The following KAZN variants were observed in gnomAD, a reference collection of about 807,000 sequenced individuals.
The protein encoded by KAZN is kazrin.
In KAZN, 40 loss-of-function variants were observed where a neutral mutation model predicts 87.4. That is an observed-to-expected ratio of 0.46 (90% CI 0.36 to 0.60). KAZN has a LOEUF of 0.60. KAZN is among the 20% of genes least tolerant of loss of function. The probability of loss-of-function intolerance (pLI) is 0.00; values close to 1 mark genes in which losing one functional copy is unlikely to be tolerated. For missense variants in KAZN, 898 were observed against 1,073.9 expected (o/e 0.84, Z 2.29); for synonymous variants, 466 against 458.3 (o/e 1.02, Z -0.22).
chr1:13,932,216 A>G (rs946983468), intron 1 of KAZN, among the ~76,000 whole-genome samples: 6 of 150,734 alleles, frequency 4.0e-5, no homozygotes, highest in Non-Finnish European at 8.8e-5. Context: ...GCTAGTTTAC[A>G]TTCACTTATA....
At chr1:14,195,303 C>T (rs938561484) in intron 2 of KAZN, among the ~76,000 whole-genome samples, 4 of 152,158 alleles carry the variant, frequency 2.6e-5, no homozygotes, top group Middle Eastern at 3.4e-3. Flanking sequence ...TGTCCCTCCA[C>T]CCTCCCTTCT....
intron 2 of KAZN, among the ~76,000 whole-genome samples, chr1:14,529,101 C>T (rs1045345815): frequency 1.6e-4 from 24 of 150,802 alleles, no homozygotes; most frequent in African/African-American, 4.6e-4. Context: ...GTCAGGAGTT[C>T]GAGACCAGCA....
intron 2 of KAZN, among the ~76,000 whole-genome samples, chr1:14,431,427 G>A (rs1280587644): frequency 6.6e-6 from 1 of 152,218 alleles, no homozygotes; most frequent in Admixed American, 6.5e-5. Flanking sequence ...AAGTAGAAAA[G>A]ATGAGGGCAG....
intron 2 of KAZN, among the ~76,000 whole-genome samples, chr1:14,248,500 C>T (rs1156483668): frequency 2.6e-5 from 4 of 152,176 alleles, no homozygotes; most frequent in Admixed American, 6.5e-5. Context: ...GTGGATGCCA[C>T]AGAGCAAAGC....
intron 4 of KAZN, among the ~76,000 whole-genome samples, chr1:15,053,543 G>A (rs1674640767): frequency 6.6e-6 from 1 of 152,178 alleles, no homozygotes; most frequent in Admixed American, 6.5e-5. Flanking sequence ...GGGGACTCTG[G>A]TGAGCAGACA....
At chr1:14,940,393 T>C (rs1046279299) in intron 1 of KAZN, among the ~76,000 whole-genome samples, 1 of 152,244 alleles carries the variant, frequency 6.6e-6, no homozygotes, top group Non-Finnish European at 1.5e-5. Flanking sequence ...GCCTGTGCCC[T>C]ACACTTGAGG....
At chr1:14,930,384 C>T (rs1182077326) in intron 1 of KAZN, among the ~76,000 whole-genome samples, 1 of 152,174 alleles carries the variant, frequency 6.6e-6, no homozygotes, top group East Asian at 1.9e-4. Flanking sequence ...GTAAAAACAA[C>T]AGCTGCTATT....
chr1:14,686,324 A>G (rs1640951151), intron 1 of KAZN, among the ~76,000 whole-genome samples: 1 of 152,030 alleles, frequency 6.6e-6, no homozygotes, highest in Admixed American at 6.5e-5. Flanking sequence ...CGACCTCCCA[A>G]AGTGCTGGGA....
intron 2 of KAZN, among the ~76,000 whole-genome samples, chr1:14,405,647 T>TGTGTGTG (rs747253895): frequency 1.1e-4 from 16 of 150,096 alleles, no homozygotes; most frequent in Admixed American, 3.3e-4. Context: ...TGTGTGTGTG[T>TGTGTGTG]TTATACAGAG....
At chr1:14,787,488 C>G (rs560120424) in intron 1 of KAZN, among the ~76,000 whole-genome samples, 3 of 152,274 alleles carry the variant, frequency 2.0e-5, no homozygotes, top group African/African-American at 7.2e-5. Flanking sequence ...ATAAAATGAC[C>G]ATGGTACTAC....
intron 13 of KAZN, among the ~76,000 whole-genome samples, chr1:15,108,803 C>A (rs534659293): frequency 6.6e-6 from 1 of 152,188 alleles, no homozygotes. Flanking sequence ...TTCTCCATAA[C>A]GTTCCCTCAT....
In KAZN at chr1:15,116,814, C is replaced by G. The variant is rs1479799727; in HGVS notation, c.*2179C>G. 1 of 152,246 alleles carries G rather than the reference C, an allele frequency of 6.6e-6. No homozygotes were observed. Among genetic ancestry groups the G allele is most frequent in the Non-Finnish European group, 1.5e-5 (1 of 68,040 alleles). The allele number at this position is 152,246 out of a possible 1,614,324, so 9.4% of individuals were successfully genotyped here. On this transcript the variant is annotated 3_prime_UTR_variant, in exon 15 of 15. Transcript: ENST00000376030. ...TTCACCCAACTTGTCAGAAATGGCACTTACATGGTTCGATCTTGCTGGAGA... is the reference window on the plus strand; with the variant it reads ...TTCACCCAACTTGTCAGAAATGGCAGTTACATGGTTCGATCTTGCTGGAGA...
In KAZN at chr1:15,021,469, A is replaced by G. The variant is rs954756323; in HGVS notation, c.419-13280A>G. 6.6e-6 allele frequency among the ~76,000 whole-genome samples: 1 copy of G among 152,106 alleles called. No individual in the cohort carries two copies. The highest frequency in any genetic ancestry group is 2.4e-5 in the African/African-American group (1 of 41,414). On this transcript the variant is annotated intron_variant, in intron 2 of 14. Transcript: ENST00000376030. The surrounding 1 kb of genome is among the most constrained non-coding windows in gnomAD (Gnocchi z 4.2). ...ACTCCCCTTCAGAGGCTGGAAAACA[A>G]ACACCACCCGCTCCCAGTCCCGGCC... is the stretch of plus-strand genomic sequence containing the variant.
chr1:14,375,662 G>A (rs375921850), intron 2 of KAZN, among the ~76,000 whole-genome samples: 14 of 152,182 alleles, frequency 9.2e-5, no homozygotes, highest in Middle Eastern at 3.4e-3. Context: ...CGAGGTGGGC[G>A]GATCACGAGG....
At chr1:14,982,748 T>C (rs999022337) in intron 2 of KAZN, among the ~76,000 whole-genome samples, 2 of 152,150 alleles carry the variant, frequency 1.3e-5, no homozygotes, top group Non-Finnish European at 2.9e-5. Context: ...TTGAAAGGGA[T>C]CCAGGCCCCT....
chr1:14,916,056 T>TAAG (rs1163548896), intron 1 of KAZN, among the ~76,000 whole-genome samples: 1 of 152,158 alleles, frequency 6.6e-6, no homozygotes, highest in Non-Finnish European at 1.5e-5. Flanking sequence ...CCTCTCTGGG[T>TAAG]TGTGGGGAGG....
chr1:14,672,622 T>C (rs1196009907), intron 1 of KAZN, among the ~76,000 whole-genome samples: 3 of 152,140 alleles, frequency 2.0e-5, no homozygotes, highest in Non-Finnish European at 2.9e-5. Flanking sequence ...CTCTGACAAG[T>C]TTCAGCAGAC....
rs1162566502 is a variant in KAZN, at chr1:15,103,580, T to C, written c.1881+120T>C. 6 of 726,204 alleles carry C rather than the reference T, an allele frequency of 8.3e-6. 1 individual carries two copies. Among genetic ancestry groups the C allele is most frequent in the South Asian group, 3.3e-5 (2 of 61,230 alleles). 45.0% of individuals were successfully genotyped at this position (726,204 alleles called of 1,614,324 possible). A position where few individuals can be genotyped will look rare whatever the true frequency, so the allele number is the denominator to read the frequency against. ...AATATGCAGATCTCATGCAAATCAA[T>C]GGGCAAATCCCACACAAATTAATAT... On this transcript the variant is annotated intron_variant, in intron 12 of 14. Coordinates refer to ENST00000376030, the MANE Select transcript of KAZN (RefSeq NM_201628.3).
chr1:14,414,762 C>A (rs1278392581), intron 2 of KAZN, among the ~76,000 whole-genome samples: 2 of 152,044 alleles, frequency 1.3e-5, no homozygotes, highest in African/African-American at 4.8e-5. Context: ...CAGTGGCTCA[C>A]TCCTGTAATC....
Sources: gnomAD v4.1 joint callset for allele counts (sites outside exome capture counted in the v4.1 genomes callset) on GRCh38, gnomAD v4.1.1 for gene constraint, Gnocchi (gnomAD v3.1) non-coding constraint, MANE v1.5 for transcripts, NCBI Gene and HGNC (gene_info 2026-07-23, HGNC 2026-07-21) for gene names.